DROSHA: variants seen among roughly 807,000 people sequenced by gnomAD.
The protein encoded by DROSHA is drosha ribonuclease III, also known as ribonuclease 3.
In DROSHA, 56 loss-of-function variants were observed where a neutral mutation model predicts 181.9. That is an observed-to-expected ratio of 0.31 (90% confidence interval 0.25 to 0.38). DROSHA has a LOEUF of 0.38. Among genes scored for constraint, DROSHA ranks in the 10% least tolerant of loss-of-function variants. The pLI, the probability that DROSHA is intolerant of heterozygous loss-of-function variation, is 1.00. For synonymous variants in DROSHA, 524 were observed against 591.2 expected (o/e 0.89, Z 1.65); for missense variants, 1,218 against 1,743.5 (o/e 0.70, Z 5.37).
At chr5:31,497,054 G>A (rs1000147304) in intron 11 of DROSHA, among the ~76,000 whole-genome samples, 1 of 152,168 alleles carries the variant, frequency 6.6e-6, no homozygotes, top group African/African-American at 2.4e-5. Flanking sequence ...CCGTGCACTC[G>A]GGATCATCAT....
Position 31,507,999 on chromosome 5 carries a change from A to G in DROSHA, c.1587+622T>C, listed in dbSNP as rs1342110155. 2.0e-5 allele frequency among the ~76,000 whole-genome samples: 3 copies of G among 152,318 alleles called. No homozygotes were observed. In the East Asian group the frequency reaches 5.8e-4, roughly 29 times the overall value. On this transcript the variant is annotated intron_variant, in intron 10 of 35. Transcript: ENST00000344624. Reference sequence around the variant, plus strand: ...TTATAAATTTACTCACAAAATATAAATTTTAAATTATCTTTTTACAGATAT... The same window carrying G: ...TTATAAATTTACTCACAAAATATAAGTTTTAAATTATCTTTTTACAGATAT...
Position 31,441,789 on chromosome 5 carries a change from C to A in DROSHA, c.2883-4491G>T, listed in dbSNP as rs986390177. The stretch of plus-strand genomic sequence containing the variant: ...AATAGTGAGTTTTAAGAAATAAATT[C>A]TTTTTCATGAGCCAGTAAAATAAAA... On this transcript the variant is annotated intron_variant, in intron 23 of 35. Coordinates refer to ENST00000344624, the MANE Select transcript of DROSHA (RefSeq NM_001382508.1). Among the ~76,000 whole-genome samples, 3 of 152,116 alleles carry A rather than the reference C, an allele frequency of 2.0e-5. No homozygotes were observed. In the East Asian group the frequency reaches 5.8e-4, roughly 29 times the overall value.
intron 3 of DROSHA, among the ~76,000 whole-genome samples, chr5:31,530,326 C>T (rs1360510054): frequency 6.6e-6 from 1 of 152,012 alleles, no homozygotes; most frequent in African/African-American, 2.4e-5. Context: ...CATGATAAAC[C>T]TGGGGCCCGG....
Position 31,515,198 on chromosome 5 carries a change from C to A in DROSHA, c.1080G>T (p.Lys360Asn). 3 of 1,612,556 alleles carry A rather than the reference C, an allele frequency of 1.9e-6. No homozygotes were observed. The highest frequency in any genetic ancestry group is 2.5e-6 in the Non-Finnish European group (3 of 1,179,666). The change falls in exon 8 of 36, where the codon AAG (lysine) becomes AAT (asparagine). Residue 360 changes from lysine (K) to asparagine (N), a missense_variant. Coordinates refer to ENST00000344624, the MANE Select transcript of DROSHA (RefSeq NM_001382508.1). ...TTTCTTCCTCCCAACGAGCTCTCTT[C>A]TTCTCCCTACTTGGGGAGCGACTTC... ...IVNHRSPSRE[K>N]KRARWEEEKD...
intron 5 of DROSHA, among the ~76,000 whole-genome samples, chr5:31,523,800 C>G (rs918755067): frequency 1.8e-4 from 28 of 151,816 alleles, no homozygotes; most frequent in African/African-American, 6.5e-4. Flanking sequence ...CATGGTGAAA[C>G]CCCATCTCTA....
intron 11 of DROSHA, among the ~76,000 whole-genome samples, chr5:31,499,101 T>TA (rs1189532793): frequency 6.6e-6 from 1 of 152,140 alleles, no homozygotes; most frequent in African/African-American, 2.4e-5. Flanking sequence ...TCAGGCACGG[T>TA]CCACATCAGG....
chr5:31,486,470 A>C, intron 14 of DROSHA, 21 bp downstream of exon 14: 3 of 1,604,788 alleles, frequency 1.9e-6, no homozygotes, highest in Non-Finnish European at 2.6e-6. Context: ...ACATCAAACC[A>C]CACACAATCT....
chr5:31,483,694 A>G lies in DROSHA; in HGVS notation c.1997-66T>C, dbSNP rs1751342450. 3 of 1,452,364 alleles carry G rather than the reference A, an allele frequency of 2.1e-6. No individual in the cohort carries two copies. In the Admixed American group the frequency reaches 7.0e-5, roughly 34 times the overall value. The allele number at this position is 1,452,364 out of a possible 1,614,324, so 90.0% of individuals were successfully genotyped here. A position where few individuals can be genotyped will look rare whatever the true frequency, so the allele number is the denominator to read the frequency against. On this transcript the variant is annotated intron_variant, in intron 15 of 35. Coordinates refer to ENST00000344624, the MANE Select transcript of DROSHA (RefSeq NM_001382508.1). ...TCAGTCTTAAAAAACAAGCACTGCA[A>G]CTTAATTTCTAAGATTTATGATAAC...
chr5:31,433,286 T>G (rs1744392610), intron 25 of DROSHA, among the ~76,000 whole-genome samples: 1 of 152,216 alleles, frequency 6.6e-6, no homozygotes. Context: ...GCAAATGCAA[T>G]AGCAGAAAAT....
At chr5:31,421,871 C>CAAAAAAAAAAAAAAAAAAAAAAAAAAA (rs70955711) in intron 29 of DROSHA, 1 of 25,478 alleles carries the variant, frequency 3.9e-5, no homozygotes, top group African/African-American at 2.1e-4. Flanking sequence ...CCCATCTCTA[C>CAAAAAAAAAAAAAAAAAAAAAAAAAAA]AAAAAAAAAA....
chr5:31,498,071 G>T (rs1021222000), intron 11 of DROSHA, among the ~76,000 whole-genome samples: 15 of 152,164 alleles, frequency 9.9e-5, no homozygotes, highest in Admixed American at 2.6e-4. Context: ...AACTATTCTT[G>T]TAAGGGGAAA....
intron 8 of DROSHA, among the ~76,000 whole-genome samples, chr5:31,512,182 T>C (rs1352645671): frequency 6.6e-6 from 1 of 152,206 alleles, no homozygotes; most frequent in East Asian, 1.9e-4. Context: ...TCATAAAATC[T>C]GGTACCCAGA....
At chr5:31,452,080 G>A (rs913666060) in intron 20 of DROSHA, among the ~76,000 whole-genome samples, 5 of 152,192 alleles carry the variant, frequency 3.3e-5, no homozygotes, top group African/African-American at 4.8e-5. Context: ...GGGTAGCTTC[G>A]AGTAAGTCAC....
At chr5:31,431,428 T>C (rs1744174116) in intron 26 of DROSHA, 148 bp downstream of exon 26, 2 of 384,880 alleles carry the variant, frequency 5.2e-6, no homozygotes, top group South Asian at 2.9e-5. Context: ...GAAATAACTA[T>C]AATATAAGGT....
intron 25 of DROSHA, 52 bp downstream of exon 25, chr5:31,435,713 C>T (rs142252010): frequency 3.3e-6 from 5 of 1,525,944 alleles, no homozygotes; most frequent in African/African-American, 1.4e-5. Flanking sequence ...ATGCATGGAC[C>T]GCAGAAGAGC....
intron 13 of DROSHA, chr5:31,486,854 C>G: frequency 4.1e-6 from 1 of 244,738 alleles, no homozygotes; most frequent in Non-Finnish European, 7.9e-6. Context: ...AGTATCACCT[C>G]TAAAGAATTA....
At chr5:31,479,875 T>C (rs1750828077) in intron 16 of DROSHA, among the ~76,000 whole-genome samples, 1 of 151,992 alleles carries the variant, frequency 6.6e-6, no homozygotes, top group Non-Finnish European at 1.5e-5. Context: ...ATTCTGGCTG[T>C]GTGTATATTA....
rs190736428 is a variant in DROSHA at position 31,428,850 on chromosome 5, T to A, written c.3216+625A>T. Among the ~76,000 whole-genome samples the A allele has an allele frequency of 1.6e-3, 244 of 152,298 alleles. 1 individual carries two copies. The highest frequency in any genetic ancestry group is 2.9e-3 in the Non-Finnish European group (195 of 68,022). ...TTGACTTGTTTTGGTGCAGAAAGCA[T>A]CCAGTGTACTCTATTACATGCAGGA... On this transcript the variant is annotated intron_variant, in intron 27 of 35. Coordinates refer to ENST00000344624, the MANE Select transcript of DROSHA (RefSeq NM_001382508.1).
intron 35 of DROSHA, 46 bp downstream of exon 35, chr5:31,405,631 A>C (rs757990312): frequency 3.4e-6 from 5 of 1,482,278 alleles, no homozygotes; most frequent in Non-Finnish European, 4.5e-6. Context: ...TCCATAAAAC[A>C]CTCATTACAT....
Sources: allele counts gnomAD v4.1 joint callset (sites outside exome capture counted in the v4.1 genomes callset), GRCh38; gene constraint gnomAD v4.1.1; transcripts MANE v1.5; gene names NCBI Gene and HGNC (gene_info 2026-07-23, HGNC 2026-07-21).